The following NAV2 variants were observed in gnomAD, a reference collection of about 807,000 sequenced individuals.
NAV2 encodes the protein neuron navigator 2.
In NAV2, 54 loss-of-function variants were observed where a neutral mutation model predicts 223.2. That is an observed-to-expected ratio of 0.24 (90% CI 0.19 to 0.30). The LOEUF is 0.30. Ranked by LOEUF, NAV2 falls within the 10% of genes least tolerant of loss-of-function variation. The probability of loss-of-function intolerance (pLI) is 1.00; values close to 1 mark genes in which losing one functional copy is unlikely to be tolerated. For synonymous variants in NAV2, 1,279 were observed against 1,239.3 expected (o/e 1.03, Z -0.67); for missense variants, 2,806 against 3,147.5 (o/e 0.89, Z 2.60).
At chr11:19,860,359 C>T (rs1462947422) in intron 3 of NAV2, among the ~76,000 whole-genome samples, 4 of 141,344 alleles carry the variant, frequency 2.8e-5, no homozygotes, top group Admixed American at 7.0e-5. Context: ...TCAGACGGGG[C>T]GGCCGGGCAG....
chr11:19,852,315 G>A (rs959556671), intron 3 of NAV2, among the ~76,000 whole-genome samples: 18 of 152,168 alleles, frequency 1.2e-4, no homozygotes, highest in African/African-American at 3.1e-4. Flanking sequence ...TGTAAATGTG[G>A]GTTCCTTGGA....
At chr11:20,097,504 C>T in intron 30 of NAV2, 73 bp from the exon 31 acceptor site, 1 of 1,192,124 alleles carries the variant, frequency 8.4e-7, no homozygotes, top group Non-Finnish European at 1.2e-6. Flanking sequence ...CATAAATCAC[C>T]CAGGGAAAAC....
intron 1 of NAV2, among the ~76,000 whole-genome samples, chr11:19,361,919 G>A (rs1853974791): frequency 6.6e-6 from 1 of 152,238 alleles, no homozygotes; most frequent in African/African-American, 2.4e-5. Context: ...TGGGTTAAGA[G>A]GAGAATCCCT....
intron 1 of NAV2, chr11:19,520,034 AG>A (rs1237564426): frequency 2.0e-5 from 3 of 152,244 alleles, no homozygotes; most frequent in Admixed American, 2.0e-4. Flanking sequence ...TCTCTGGCCC[AG>A]GCTTTCTTTA....
At chr11:19,444,619 G>A (rs1418845553) in intron 1 of NAV2, among the ~76,000 whole-genome samples, 1 of 152,030 alleles carries the variant, frequency 6.6e-6, no homozygotes, top group African/African-American at 2.4e-5. Flanking sequence ...CAAGGAATGA[G>A]TTCCCTTTGT....
At chr11:19,839,877 C>T (rs1160436990) in intron 2 of NAV2, among the ~76,000 whole-genome samples, 4 of 152,158 alleles carry the variant, frequency 2.6e-5, no homozygotes, top group African/African-American at 9.7e-5. Flanking sequence ...CTTAAGGATG[C>T]CAGTTTTAAT....
chr11:19,441,994 C>T (rs1305903797), intron 1 of NAV2, among the ~76,000 whole-genome samples: 2 of 152,362 alleles, frequency 1.3e-5, no homozygotes, highest in Middle Eastern at 3.4e-3. Flanking sequence ...TTAATTGTGC[C>T]TGCTCTGTTC....
intron 20 of NAV2, among the ~76,000 whole-genome samples, chr11:20,065,617 A>G (rs1045808061): frequency 6.6e-6 from 1 of 152,160 alleles, no homozygotes; most frequent in Non-Finnish European, 1.5e-5. Context: ...AACAGCGGCA[A>G]GGGGGGCAAG....
chr11:19,433,048 C>G (rs1851090967), intron 1 of NAV2, among the ~76,000 whole-genome samples: 1 of 152,098 alleles, frequency 6.6e-6, no homozygotes, highest in South Asian at 2.1e-4. Flanking sequence ...GGAGTATGTT[C>G]TGAGGAAGAG....
intron 1 of NAV2, among the ~76,000 whole-genome samples, chr11:19,601,529 C>A (rs1172094984): frequency 6.6e-6 from 1 of 152,048 alleles, no homozygotes; most frequent in Non-Finnish European, 1.5e-5. Context: ...TTCCTTTATT[C>A]ATTTATTTAT....
chr11:20,027,426 G>T (rs924112211), intron 11 of NAV2: 1 of 985,410 alleles, frequency 1.0e-6, no homozygotes, highest in Non-Finnish European at 1.2e-6. Flanking sequence ...CCTGTAAATG[G>T]GCTGTGCCTT....
At chr11:19,978,672 T>TAA (rs2050029652) in intron 10 of NAV2, 20 of 83,694 alleles carry the variant, frequency 2.4e-4, no homozygotes, top group African/African-American at 7.9e-4. Flanking sequence ...TTTTTTTTTT[T>TAA]ATGTCATGCT....
chr11:19,795,166 G>A (rs974291485), intron 1 of NAV2, among the ~76,000 whole-genome samples: 1 of 152,050 alleles, frequency 6.6e-6, no homozygotes, highest in African/African-American at 2.4e-5. Context: ...TATTCCCAAG[G>A]GCCTGAGAAG....
upstream of NAV2, among the ~76,000 whole-genome samples, chr11:19,710,562 T>C (rs1244446685): frequency 6.6e-6 from 1 of 152,246 alleles, no homozygotes; most frequent in Non-Finnish European, 1.5e-5. Context: ...TTTGATTCAA[T>C]AGGTCTGGGT....
intron 1 of NAV2, among the ~76,000 whole-genome samples, chr11:19,603,580 T>C (rs1305889311): frequency 6.8e-6 from 1 of 147,798 alleles, no homozygotes; most frequent in East Asian, 2.0e-4. Flanking sequence ...TGAGCCAAGA[T>C]TGCGCCACTG....
chr11:19,713,549 G>A lies in NAV2; in HGVS notation c.-147G>A, dbSNP rs897319834. 4.3e-6 allele frequency: 6 copies of A among 1,404,746 alleles called. No individual in the cohort carries two copies. The highest frequency in any genetic ancestry group is 4.6e-6 in the Non-Finnish European group (5 of 1,081,620). The allele number at this position is 1,404,746 out of a possible 1,614,324, so 87.0% of individuals were successfully genotyped here. On this transcript the variant is annotated 5_prime_UTR_variant, in exon 1 of 38. Transcript: ENST00000349880. The surrounding 1 kb of genome is among the most constrained non-coding windows in gnomAD (Gnocchi z 7.2). ...CTCGCCCGATTGCTTCGAGTTCCCC[G>A]ACCTGGGGATTTTTTTTTTAGCCGC...
At chr11:20,108,709 C>T (rs923519711) in intron 36 of NAV2, among the ~76,000 whole-genome samples, 1 of 151,870 alleles carries the variant, frequency 6.6e-6, no homozygotes, top group Admixed American at 6.6e-5. Flanking sequence ...ACCTTGGCCT[C>T]CCAAAGTACT....
chr11:19,625,197 C>T (rs1396461021), intron 1 of NAV2, among the ~76,000 whole-genome samples: 2 of 152,204 alleles, frequency 1.3e-5, no homozygotes, highest in African/African-American at 4.8e-5. Context: ...TATTCTTCAA[C>T]AAATCTCTCC....
intron 1 of NAV2, among the ~76,000 whole-genome samples, chr11:19,386,974 G>T (rs1849067380): frequency 6.6e-6 from 1 of 152,086 alleles, no homozygotes. Flanking sequence ...GCTTATCAAG[G>T]CTACACAGGT....
Sources: allele counts gnomAD v4.1 joint callset (sites outside exome capture counted in the v4.1 genomes callset), GRCh38; gene constraint gnomAD v4.1.1; non-coding constraint Gnocchi (gnomAD v3.1); transcripts MANE v1.5; gene names NCBI Gene and HGNC (gene_info 2026-07-23, HGNC 2026-07-21).